The following NME7 variants were observed in gnomAD, a reference collection of about 807,000 sequenced individuals.
NME7 encodes the protein NME/NM23 family member 7.
Under a neutral mutation model 49.1 loss-of-function variants are expected in NME7, and 41 were observed. The observed-to-expected ratio is 0.83, with a 90% CI of 0.65 to 1.08. The LOEUF (loss-of-function observed/expected upper bound fraction) is 1.08, where lower values mean the gene tolerates loss of function less well. NME7 is among the 50% of genes least tolerant of loss of function. The probability of loss-of-function intolerance (pLI) is 0.00; values close to 1 mark genes in which losing one functional copy is unlikely to be tolerated. For synonymous variants in NME7, 139 were observed against 150.6 expected (o/e 0.92, Z 0.56); for missense variants, 423 against 463.4 (o/e 0.91, Z 0.80).
chr1:169,134,752 GT>G (rs1270186313), intron 11 of NME7, among the ~76,000 whole-genome samples: 8 of 152,118 alleles, frequency 5.3e-5, no homozygotes, highest in Middle Eastern at 3.4e-3. Flanking sequence ...ATTTATAGCA[GT>G]AAAATAAATT....
At chr1:169,281,724 T>A (rs1016818092) in intron 7 of NME7, among the ~76,000 whole-genome samples, 1 of 152,176 alleles carries the variant, frequency 6.6e-6, no homozygotes, top group African/African-American at 2.4e-5. Flanking sequence ...TTTTTGTCAT[T>A]GGTTTTGTTT....
chr1:169,276,404 G>A (rs1216802149), intron 7 of NME7, among the ~76,000 whole-genome samples: 3 of 132,972 alleles, frequency 2.3e-5, no homozygotes, highest in Non-Finnish European at 5.3e-5. Flanking sequence ...CTTCTTCCTC[G>A]TTTAGTCTTG....
chr1:169,171,476 G>A (rs1259336300), intron 10 of NME7, among the ~76,000 whole-genome samples: 1 of 152,186 alleles, frequency 6.6e-6, no homozygotes, highest in East Asian at 1.9e-4. Flanking sequence ...AGGTTCATGT[G>A]TGTTGGCCTA....
intron 1 of NME7, among the ~76,000 whole-genome samples, chr1:169,357,122 C>T (rs1653494254): frequency 6.6e-6 from 1 of 151,888 alleles, no homozygotes; most frequent in African/African-American, 2.4e-5. Flanking sequence ...ATAATAATAT[C>T]CCTATAAGGG....
At chr1:169,288,502 T>C (rs1169430687) in intron 6 of NME7, among the ~76,000 whole-genome samples, 1 of 152,162 alleles carries the variant, frequency 6.6e-6, no homozygotes, top group Non-Finnish European at 1.5e-5. Context: ...CACATATAAG[T>C]AGACTCGTGC....
chr1:169,241,131 T>C (rs934289316), intron 7 of NME7, among the ~76,000 whole-genome samples: 1 of 152,146 alleles, frequency 6.6e-6, no homozygotes, highest in Non-Finnish European at 1.5e-5. Flanking sequence ...TGGAGCTTTA[T>C]GTGTACTTCA....
chr1:169,309,192 G>T (rs1396916059), intron 4 of NME7, among the ~76,000 whole-genome samples: 1 of 152,148 alleles, frequency 6.6e-6, no homozygotes, highest in Non-Finnish European at 1.5e-5. Flanking sequence ...TGATTACTTG[G>T]TGTCTTATTG....
intron 10 of NME7, among the ~76,000 whole-genome samples, chr1:169,216,007 G>A (rs1661301192): frequency 6.6e-6 from 1 of 152,160 alleles, no homozygotes; most frequent in Non-Finnish European, 1.5e-5. Context: ...AGATAAAAAA[G>A]TTCTAACTTC....
At chr1:169,150,263 T>TGCTCTATAAGACAGCTGAG (rs1658875715) in intron 11 of NME7, among the ~76,000 whole-genome samples, 1 of 152,320 alleles carries the variant, frequency 6.6e-6, no homozygotes, top group African/African-American at 2.4e-5. Context: ...AATATTTTTG[T>TGCTCTATAAGACAGCTGAG]GCTCTATAAG....
intron 7 of NME7, among the ~76,000 whole-genome samples, chr1:169,282,867 T>G (rs1357740220): frequency 6.6e-6 from 1 of 152,162 alleles, no homozygotes; most frequent in Non-Finnish European, 1.5e-5. Flanking sequence ...TACTTCCAAT[T>G]ATGTGGTCAA....
intron 11 of NME7, among the ~76,000 whole-genome samples, chr1:169,159,624 G>C (rs901695219): frequency 3.9e-5 from 6 of 152,096 alleles, no homozygotes; most frequent in Admixed American, 2.0e-4. Context: ...AAACTCCCTT[G>C]AAACTTGAAT....
chr1:169,299,502 T>C (rs1393496696), intron 5 of NME7, among the ~76,000 whole-genome samples: 1 of 152,102 alleles, frequency 6.6e-6, no homozygotes. Context: ...AGTGACATCC[T>C]CCCTCTGACT....
chr1:169,306,656 T>C (rs1260621308), intron 4 of NME7, among the ~76,000 whole-genome samples: 1 of 152,162 alleles, frequency 6.6e-6, no homozygotes, highest in Non-Finnish European at 1.5e-5. Flanking sequence ...TTGGAATTCA[T>C]CTATAAGTAA....
At chr1:169,305,805 T>C (rs756287222) in intron 4 of NME7, among the ~76,000 whole-genome samples, 7 of 152,266 alleles carry the variant, frequency 4.6e-5, no homozygotes, top group Non-Finnish European at 7.4e-5. Flanking sequence ...AACACAATGC[T>C]CATGCTGCTT....
intron 1 of NME7, among the ~76,000 whole-genome samples, chr1:169,326,604 T>A (rs7556463): frequency 0.083 from 12,605 of 152,270 alleles, 708 homozygotes; most frequent in Admixed American, 0.19. Flanking sequence ...GTAGAGCTTT[T>A]GGAAACGAAC....
intron 3 of NME7, among the ~76,000 whole-genome samples, chr1:169,320,233 T>C (rs1038736158): frequency 6.6e-5 from 10 of 152,198 alleles, no homozygotes; most frequent in Admixed American, 5.9e-4. Context: ...CATTGACAAC[T>C]TGTAACCTTT....
At chr1:169,238,316 A>C (rs1343487057) in intron 7 of NME7, among the ~76,000 whole-genome samples, 5 of 151,992 alleles carry the variant, frequency 3.3e-5, no homozygotes. Context: ...CAACATGAGG[A>C]ATATAGTCTT....
intron 11 of NME7, among the ~76,000 whole-genome samples, chr1:169,167,356 T>C (rs1176657175): frequency 2.0e-5 from 3 of 152,136 alleles, no homozygotes; most frequent in Admixed American, 1.3e-4. Flanking sequence ...ATAATTTTTT[T>C]TTAAAAGACT....
intron 10 of NME7, among the ~76,000 whole-genome samples, chr1:169,205,025 C>G (rs760552711): frequency 4.6e-5 from 7 of 151,942 alleles, no homozygotes; most frequent in African/African-American, 7.3e-5. Flanking sequence ...TCTATAAGAC[C>G]AAAGCAGGAA....
Sources: allele counts gnomAD v4.1 joint callset (sites outside exome capture counted in the v4.1 genomes callset), GRCh38; gene constraint gnomAD v4.1.1; transcripts MANE v1.5; gene names NCBI Gene and HGNC (gene_info 2026-07-23, HGNC 2026-07-21).